SV2B: variants seen among roughly 807,000 people sequenced by gnomAD.
SV2B encodes the protein synaptic vesicle glycoprotein 2B, also known as solute carrier family 22 member B2.
In SV2B, 41 loss-of-function variants were observed where a neutral mutation model predicts 73.9. The observed-to-expected ratio is 0.56, with a 90% CI of 0.43 to 0.72. The LOEUF is 0.72. Among genes scored for constraint, SV2B ranks in the 30% least tolerant of loss-of-function variants. The pLI is 0.00. For missense variants in SV2B, 764 were observed against 857.8 expected (o/e 0.89, Z 1.37); for synonymous variants, 314 against 314.2 (o/e 1.00, Z 0.01).
chr15:91,269,389 A>G (rs2048219611), intron 9 of SV2B, among the ~76,000 whole-genome samples: 7 of 152,212 alleles, frequency 4.6e-5, no homozygotes, highest in Admixed American at 3.9e-4. Context: ...TAGCAAGCTC[A>G]TCAGGTTGTG....
In SV2B at chr15:91,302,275, G is replaced by A. The variant is rs2049466219; in HGVS notation, c.*9723G>A. ...TAATTCTCAGATTGATTCAAATGCG[G>A]ACTTAACACTGCAGCTGTAACTCTG... On this transcript the variant is annotated 3_prime_UTR_variant, in exon 13 of 13. Transcript: ENST00000394232. Among the ~76,000 whole-genome samples, 1 of 152,072 alleles carries A rather than the reference G, an allele frequency of 6.6e-6. No individual in the cohort carries two copies. The highest frequency in any genetic ancestry group is 2.1e-4 in the South Asian group (1 of 4,792).
rs2042827891 is a variant in SV2B at position 91,136,439 on chromosome 15, C to T, written c.-392+36076C>T. Among the ~76,000 whole-genome samples the T allele has an allele frequency of 6.6e-6, 1 of 152,154 alleles. No homozygotes were observed. Among genetic ancestry groups the T allele is most frequent in the Non-Finnish European group, 1.5e-5 (1 of 68,034 alleles). On this transcript the variant is annotated intron_variant, in intron 1 of 12. Transcript: ENST00000394232. This position sits in a 1 kb window ranked among gnomAD's most constrained non-coding sequence, Gnocchi z 5.6. ...GAGAGAACCTTTATTTACCCGTGCC[C>T]ATCCAGCTAGTGGAGAACCAGTGGG...
chr15:91,109,176 C>A (rs758423902), intron 1 of SV2B, among the ~76,000 whole-genome samples: 1 of 152,216 alleles, frequency 6.6e-6, no homozygotes, highest in Non-Finnish European at 1.5e-5. Context: ...GACAAAAGTA[C>A]CCTTGGAAAA....
At chr15:91,158,676 CTTCTCTTCTCTT>C (rs2043583670) in intron 1 of SV2B, among the ~76,000 whole-genome samples, 1 of 72,898 alleles carries the variant, frequency 1.4e-5, no homozygotes. Flanking sequence ...CTTCTCTTCT[CTTCTCTTCTCTT>C]CTCTTCTCTT....
intron 1 of SV2B, among the ~76,000 whole-genome samples, chr15:91,125,376 C>T (rs1375770534): frequency 6.6e-6 from 1 of 152,118 alleles, no homozygotes; most frequent in African/African-American, 2.4e-5. Context: ...CATGTTTTCT[C>T]ATTTACTGAA....
Position 91,239,561 on chromosome 15 carries a change from T to G in SV2B, c.452-12258T>G, listed in dbSNP as rs549072400. Among the ~76,000 whole-genome samples, 2 of 152,228 alleles carry G rather than the reference T, an allele frequency of 1.3e-5. No homozygotes were observed. The highest frequency in any genetic ancestry group is 3.9e-4 in the East Asian group (2 of 5,164). On this transcript the variant is annotated intron_variant, in intron 2 of 12. Transcript: ENST00000394232. This position sits in a 1 kb window ranked among gnomAD's most constrained non-coding sequence, Gnocchi z 5.1. ...GGTCATATACTCTCAGACCAGAATCTGGGACTCCTGACTATTGGCACAGAA... is the reference window on the plus strand; with the variant it reads ...GGTCATATACTCTCAGACCAGAATCGGGGACTCCTGACTATTGGCACAGAA...
rs1445394935 is a variant in SV2B, at chr15:91,242,733, C to T, written c.452-9086C>T. The stretch of plus-strand genomic sequence containing the variant: ...CCGTCATAGGATGAAGAGATCTGAC[C>T]CAGGAGTTACCTATTATTTTTTTAA... On this transcript the variant is annotated intron_variant, in intron 2 of 12. Transcript: ENST00000394232. This position sits in a 1 kb window ranked among gnomAD's most constrained non-coding sequence, Gnocchi z 4.9. Among the ~76,000 whole-genome samples the T allele has an allele frequency of 6.6e-6, 1 of 152,016 alleles. No individual in the cohort carries two copies. Among genetic ancestry groups the T allele is most frequent in the African/African-American group, 2.4e-5 (1 of 41,368 alleles).
At chr15:91,238,134 T>C (rs1175990156) in intron 2 of SV2B, among the ~76,000 whole-genome samples, 1 of 152,246 alleles carries the variant, frequency 6.6e-6, no homozygotes, top group African/African-American at 2.4e-5. Flanking sequence ...AAGAAACTGA[T>C]ACGAATAAAT....
rs2046908430 is a variant in SV2B, at chr15:91,239,205, G to C, written c.451+12491G>C. Among the ~76,000 whole-genome samples the C allele has an allele frequency of 6.6e-6, 1 of 152,102 alleles. No individual in the cohort carries two copies. The highest frequency in any genetic ancestry group is 1.5e-5 in the Non-Finnish European group (1 of 68,024). On this transcript the variant is annotated intron_variant, in intron 2 of 12. Coordinates refer to ENST00000394232, the MANE Select transcript of SV2B (RefSeq NM_001323032.3). This position sits in a 1 kb window ranked among gnomAD's most constrained non-coding sequence, Gnocchi z 5.1. ...TCCGTGTGGGCTGGCCTGGCTGCTTGAATGTGTGGAGTGTACGCTTTCTGT... is the reference window on the plus strand; with the variant it reads ...TCCGTGTGGGCTGGCCTGGCTGCTTCAATGTGTGGAGTGTACGCTTTCTGT...
rs2047204933 is a variant in SV2B, at chr15:91,245,936, A to C, written c.452-5883A>C. Among the ~76,000 whole-genome samples the C allele has an allele frequency of 6.6e-6, 1 of 152,114 alleles. No individual in the cohort carries two copies. Among genetic ancestry groups the C allele is most frequent in the African/African-American group, 2.4e-5 (1 of 41,412 alleles). ...AGACCATAGAAGATTGGCAAAGTAC[A>C]TTTTACAAGTAAAATATCTATGCTC... On this transcript the variant is annotated intron_variant, in intron 2 of 12. Coordinates refer to ENST00000394232, the MANE Select transcript of SV2B (RefSeq NM_001323032.3). The surrounding 1 kb of genome is among the most constrained non-coding windows in gnomAD (Gnocchi z 4.2).
Position 91,242,786 on chromosome 15 carries a change from T to A in SV2B, c.452-9033T>A, listed in dbSNP as rs2047072066. On this transcript the variant is annotated intron_variant, in intron 2 of 12. Transcript: ENST00000394232. This position sits in a 1 kb window ranked among gnomAD's most constrained non-coding sequence, Gnocchi z 4.9. ...ACGAATACTCACTTTCTGAACATGC[T>A]ATTAAAGGCTGCACAAATCTCTGTC... is the stretch of plus-strand genomic sequence containing the variant. 6.6e-6 allele frequency among the ~76,000 whole-genome samples: 1 copy of A among 152,362 alleles called. No homozygotes were observed. Among genetic ancestry groups the A allele is most frequent in the African/African-American group, 2.4e-5 (1 of 41,586 alleles).
At position 91,281,633 on chromosome 15, in the gene SV2B, A is replaced by C; in HGVS notation, c.1374-95A>C. 5.6e-6 allele frequency: 8 copies of C among 1,421,640 alleles called. No homozygotes were observed. The highest frequency in any genetic ancestry group is 7.6e-6 in the Non-Finnish European group (8 of 1,052,408). 88.1% of individuals were successfully genotyped at this position (1,421,640 alleles called of 1,614,324 possible). On this transcript the variant is annotated intron_variant, in intron 9 of 12. Transcript: ENST00000394232. This position sits in a 1 kb window ranked among gnomAD's most constrained non-coding sequence, Gnocchi z 4.7. ...TAATGCTCTGGCACCTTTTGCTTGC[A>C]CATCTCCTTTTTCTGCCTTGCTGTG...
At chr15:91,150,804 G>A (rs891935660) in intron 1 of SV2B, among the ~76,000 whole-genome samples, 8 of 152,240 alleles carry the variant, frequency 5.3e-5, no homozygotes, top group Admixed American at 5.2e-4. Context: ...AGATATGGGT[G>A]CAGAGGAGCT....
intron 1 of SV2B, among the ~76,000 whole-genome samples, chr15:91,157,757 C>T (rs1401337880): frequency 1.3e-5 from 2 of 152,178 alleles, no homozygotes; most frequent in Non-Finnish European, 2.9e-5. Context: ...AAGATCCGTG[C>T]TTTTTTCTCC....
intron 1 of SV2B, among the ~76,000 whole-genome samples, chr15:91,155,720 G>A (rs554205823): frequency 1.3e-5 from 2 of 152,222 alleles, no homozygotes; most frequent in Non-Finnish European, 1.5e-5. Flanking sequence ...AAAAAAACTG[G>A]TGAGTCAAAC....
chr15:91,187,758 C>G (rs897456610), intron 1 of SV2B, among the ~76,000 whole-genome samples: 1 of 151,600 alleles, frequency 6.6e-6, no homozygotes, highest in African/African-American at 2.4e-5. Context: ...TCATAATTAA[C>G]TGAATATTTT....
chr15:91,135,221 C>A (rs879442754), intron 1 of SV2B, among the ~76,000 whole-genome samples: 7 of 152,150 alleles, frequency 4.6e-5, no homozygotes, highest in Non-Finnish European at 1.0e-4. Flanking sequence ...GGCCACAAAC[C>A]ATTGTGATAT....
At chr15:91,174,646 C>T (rs535934705) in intron 1 of SV2B, among the ~76,000 whole-genome samples, 26 of 152,304 alleles carry the variant, frequency 1.7e-4, no homozygotes, top group African/African-American at 5.5e-4. Flanking sequence ...TCTGGAGAAG[C>T]GCCCATGGAG....
intron 9 of SV2B, among the ~76,000 whole-genome samples, chr15:91,273,672 A>G (rs978136733): frequency 2.0e-5 from 3 of 152,178 alleles, no homozygotes; most frequent in Admixed American, 6.5e-5. Flanking sequence ...ATTATAAAAC[A>G]TTTCAAATAT....
Sources: allele counts gnomAD v4.1 joint callset (sites outside exome capture counted in the v4.1 genomes callset), GRCh38; gene constraint gnomAD v4.1.1; non-coding constraint Gnocchi (gnomAD v3.1); transcripts MANE v1.5; gene names NCBI Gene and HGNC (gene_info 2026-07-23, HGNC 2026-07-21).